Variants in FRMD4A observed in about 807,000 individuals in gnomAD.
FRMD4A encodes the protein FERM domain containing 4A, also known as FERM domain-containing protein 4A.
In FRMD4A, 29 loss-of-function variants were observed where a neutral mutation model predicts 129.1. That is an observed-to-expected ratio of 0.22 (90% CI 0.17 to 0.31). FRMD4A has a LOEUF of 0.31. Ranked by LOEUF, FRMD4A falls within the 10% of genes least tolerant of loss-of-function variation. The pLI, the probability that FRMD4A is intolerant of heterozygous loss-of-function variation, is 1.00. For synonymous variants in FRMD4A, 634 were observed against 571.6 expected (o/e 1.11, Z -1.56); for missense variants, 1,272 against 1,375.8 (o/e 0.92, Z 1.19).
chr10:14,099,122 T>C (rs1209727303), intron 2 of FRMD4A, among the ~76,000 whole-genome samples: 2 of 152,210 alleles, frequency 1.3e-5, no homozygotes, highest in South Asian at 2.1e-4. Context: ...TTTGAGGACA[T>C]CCAGGTATAT....
chr10:14,144,928 C>T (rs990348968), intron 2 of FRMD4A, among the ~76,000 whole-genome samples: 2 of 152,156 alleles, frequency 1.3e-5, no homozygotes, highest in Admixed American at 6.6e-5. Flanking sequence ...GAAAGAAACT[C>T]TCAGCTGAGA....
chr10:14,097,536 C>T (rs1837042681), intron 2 of FRMD4A, among the ~76,000 whole-genome samples: 1 of 151,986 alleles, frequency 6.6e-6, no homozygotes, highest in Admixed American at 6.6e-5. Flanking sequence ...ACGGAATTGC[C>T]CAAGGTTCAA....
At chr10:14,225,790 T>C (rs754513086) in intron 2 of FRMD4A, among the ~76,000 whole-genome samples, 6 of 152,222 alleles carry the variant, frequency 3.9e-5, no homozygotes, top group Non-Finnish European at 4.4e-5. Context: ...CATGTGTATC[T>C]GTTCTACCTG....
At chr10:14,288,220 C>T (rs931876881) in intron 2 of FRMD4A, among the ~76,000 whole-genome samples, 3 of 152,132 alleles carry the variant, frequency 2.0e-5, no homozygotes, top group African/African-American at 4.8e-5. Flanking sequence ...AGTTCACAGT[C>T]GAACTTCCCA....
At chr10:14,136,883 G>A (rs1290694777) in intron 2 of FRMD4A, among the ~76,000 whole-genome samples, 1 of 152,170 alleles carries the variant, frequency 6.6e-6, no homozygotes, top group Non-Finnish European at 1.5e-5. Flanking sequence ...AATGGACTGA[G>A]ACCTGTCTCA....
intron 2 of FRMD4A, among the ~76,000 whole-genome samples, chr10:14,015,474 T>C (rs1236237589): frequency 2.7e-5 from 4 of 149,994 alleles, no homozygotes; most frequent in African/African-American, 9.8e-5. Flanking sequence ...CTAGGCTTCA[T>C]TTAATACTTG....
At chr10:13,960,609 C>A (rs960913124) in intron 2 of FRMD4A, among the ~76,000 whole-genome samples, 22 of 152,202 alleles carry the variant, frequency 1.4e-4, no homozygotes, top group African/African-American at 5.3e-4. Flanking sequence ...CTCAGACTTA[C>A]CCTCTTGGAG....
intron 2 of FRMD4A, among the ~76,000 whole-genome samples, chr10:14,120,527 C>T (rs993221709): frequency 1.3e-5 from 2 of 152,224 alleles, no homozygotes; most frequent in African/African-American, 4.8e-5. Flanking sequence ...TTATTCACTA[C>T]TCAGTAGATT....
chr10:14,106,872 T>TAAAAGAAA (rs2131785511), intron 2 of FRMD4A, among the ~76,000 whole-genome samples: 1 of 151,994 alleles, frequency 6.6e-6, no homozygotes, highest in African/African-American at 2.4e-5. Context: ...ATACCCAAAA[T>TAAAAGAAA]CATTCTAGCA....
intron 3 of FRMD4A, among the ~76,000 whole-genome samples, chr10:13,840,324 G>A (rs1007012614): frequency 3.3e-5 from 5 of 152,130 alleles, no homozygotes; most frequent in African/African-American, 9.7e-5. Flanking sequence ...GGGAGAAGGC[G>A]GATGTCCACA....
intron 2 of FRMD4A, among the ~76,000 whole-genome samples, chr10:13,877,011 A>G (rs1198155621): frequency 6.6e-6 from 1 of 152,192 alleles, no homozygotes; most frequent in Admixed American, 6.5e-5. Context: ...AGCAGAATCA[A>G]TGTGGATCTG....
intron 3 of FRMD4A, among the ~76,000 whole-genome samples, chr10:13,824,256 T>C (rs1316723171): frequency 2.1e-5 from 3 of 140,640 alleles, no homozygotes; most frequent in Non-Finnish European, 3.0e-5. Flanking sequence ...GGAGGGTGAA[T>C]CATGAGGTCA....
intron 2 of FRMD4A, among the ~76,000 whole-genome samples, chr10:14,298,143 A>G (rs1415863007): frequency 6.6e-6 from 1 of 152,214 alleles, no homozygotes; most frequent in African/African-American, 2.4e-5. Flanking sequence ...CAATAATTGT[A>G]TGTTCCACAA....
At chr10:14,316,616 G>C (rs1045021532) in intron 2 of FRMD4A, among the ~76,000 whole-genome samples, 1 of 151,758 alleles carries the variant, frequency 6.6e-6, no homozygotes, top group Non-Finnish European at 1.5e-5. Flanking sequence ...GGTCCTCTCA[G>C]AAGGAAAGAA....
intron 2 of FRMD4A, chr10:13,890,948 C>A: frequency 1.3e-6 from 1 of 754,532 alleles, no homozygotes; most frequent in Non-Finnish European, 1.6e-6. Context: ...AAAAAGGCAC[C>A]AAGTCGCTCG....
intron 2 of FRMD4A, among the ~76,000 whole-genome samples, chr10:14,194,792 T>C (rs1842427424): frequency 6.6e-6 from 1 of 151,844 alleles, no homozygotes; most frequent in Non-Finnish European, 1.5e-5. Flanking sequence ...ATTCTATTTA[T>C]AGTATTATTA....
chr10:14,245,805 T>A (rs1006130885), intron 2 of FRMD4A, among the ~76,000 whole-genome samples: 14 of 152,132 alleles, frequency 9.2e-5, no homozygotes, highest in African/African-American at 3.4e-4. Flanking sequence ...AGAACTGTAA[T>A]AAGTTTTTGT....
intron 2 of FRMD4A, among the ~76,000 whole-genome samples, chr10:13,984,870 G>C (rs1574583): frequency 0.26 from 39,248 of 152,166 alleles, 6,091 homozygotes; most frequent in East Asian, 0.6. Context: ...CCATTCCTTT[G>C]GGGATTTACC....
chr10:13,766,450 C>T (rs1033274978), intron 6 of FRMD4A, among the ~76,000 whole-genome samples: 5 of 152,216 alleles, frequency 3.3e-5, no homozygotes, highest in African/African-American at 1.2e-4. Flanking sequence ...GCGCCCCAGG[C>T]ATTGCACATG....
Sources: gnomAD v4.1 joint callset for allele counts (sites outside exome capture counted in the v4.1 genomes callset) on GRCh38, gnomAD v4.1.1 for gene constraint, MANE v1.5 for transcripts, NCBI Gene and HGNC (gene_info 2026-07-23, HGNC 2026-07-21) for gene names.